Variants in EFNA4 observed in about 807,000 individuals in gnomAD.
The protein encoded by EFNA4 is ephrin-A4.
A neutral mutation model predicts 23.7 loss-of-function variants in EFNA4; 22 were observed. That is an observed-to-expected ratio of 0.93 (90% CI 0.66 to 1.32). The LOEUF (loss-of-function observed/expected upper bound fraction) is 1.32. EFNA4 is among the 40% of genes most tolerant of loss of function. The pLI is 0.00. For synonymous variants in EFNA4, 113 were observed against 108.3 expected (o/e 1.04, Z -0.27); for missense variants, 252 against 252.3 (o/e 1.00, Z 0.01).
In EFNA4 at chr1:155,069,007, T is replaced by G; in HGVS notation, c.*18T>G. 6.2e-7 allele frequency: 1 copy of G among 1,613,478 alleles called. No homozygotes were observed. Among genetic ancestry groups the G allele is most frequent in the Non-Finnish European group, 8.5e-7 (1 of 1,179,690 alleles). The stretch of plus-strand genomic sequence containing the variant: ...TTCTGTGAGCCAAGCAGACCTTCCC[T>G]CTCATCCCAAGGAGCCAGAGTCCTC... On this transcript the variant is annotated 3_prime_UTR_variant, in exon 4 of 4. Coordinates refer to ENST00000368409, the MANE Select transcript of EFNA4 (RefSeq NM_005227.3).
At chr1:155,068,296 G>A (rs558691139) in intron 3 of EFNA4, among the ~76,000 whole-genome samples, 4 of 148,526 alleles carry the variant, frequency 2.7e-5, no homozygotes, top group Admixed American at 2.7e-4. Context: ...TCTCGCTCTC[G>A]CTCTGTCGCC....
chr1:155,064,710 T>C (rs1477578117), intron 1 of EFNA4, among the ~76,000 whole-genome samples: 2 of 152,218 alleles, frequency 1.3e-5, no homozygotes, highest in African/African-American at 4.8e-5. Flanking sequence ...TCCTATTTCC[T>C]ATCTGTTTTT....
In EFNA4 at chr1:155,066,973, C is replaced by T; in HGVS notation, c.357C>T (p.Ser119=). 1 of 1,613,794 alleles carries T rather than the reference C, an allele frequency of 6.2e-7. No homozygotes were observed. Among genetic ancestry groups the T allele is most frequent in the Non-Finnish European group, 8.5e-7 (1 of 1,179,894 alleles). The change falls in exon 2 of 4, where the codon TCC becomes TCT. Residue 119 remains serine (S), a synonymous_variant. Coordinates refer to ENST00000368409, the MANE Select transcript of EFNA4 (RefSeq NM_005227.3). ...AGATTCAGCGCTTCACACCCTTCTC[C>T]CTCGGCTTTGAGTTCTTACCTGGAG... ...SEKIQRFTPF[S]LGFEFLPGET...
chr1:155,063,948 G>C lies in EFNA4; in HGVS notation c.113+12G>C. ...TCCAGTAACCCCAGGTAGCCGGGCC[G>C]AACCGGGCGAGCGCACAGCCAAGTC... On this transcript the variant is annotated intron_variant, in intron 1 of 3. Coordinates refer to ENST00000368409, the MANE Select transcript of EFNA4 (RefSeq NM_005227.3). The surrounding 1 kb of genome is among the most constrained non-coding windows in gnomAD (Gnocchi z 4.1). The C allele has an allele frequency of 6.5e-7, 1 of 1,535,954 alleles. No individual in the cohort carries two copies. Among genetic ancestry groups the C allele is most frequent in the East Asian group, 2.6e-5 (1 of 38,130 alleles).
intron 1 of EFNA4, among the ~76,000 whole-genome samples, chr1:155,066,188 G>A (rs943934205): frequency 5.3e-5 from 8 of 152,046 alleles, no homozygotes; most frequent in African/African-American, 1.4e-4. Context: ...TTTTTTTACC[G>A]TGACATTCTT....
At position 155,069,140 on chromosome 1, in the gene EFNA4, T is replaced by A; in HGVS notation, c.*151T>A. 1 of 1,610,614 alleles carries A rather than the reference T, an allele frequency of 6.2e-7. No individual in the cohort carries two copies. Among genetic ancestry groups the A allele is most frequent in the Non-Finnish European group, 8.5e-7 (1 of 1,178,890 alleles). Reference sequence around the variant, plus strand: ...GGGAGATCAGAGGGTCTGAGGTGACTCTTGCAGGAGCCTGTCCCCTCATCA... The same window carrying A: ...GGGAGATCAGAGGGTCTGAGGTGACACTTGCAGGAGCCTGTCCCCTCATCA... On this transcript the variant is annotated 3_prime_UTR_variant, in exon 4 of 4. Coordinates refer to ENST00000368409, the MANE Select transcript of EFNA4 (RefSeq NM_005227.3).
rs947930391 is a variant in EFNA4 at position 155,068,874 on chromosome 1, T to C, written c.491T>C (p.Val164Ala). The C allele has an allele frequency of 1.9e-6, 3 of 1,613,334 alleles. No individual in the cohort carries two copies. The highest frequency in any genetic ancestry group is 4.5e-5 in the East Asian group (2 of 44,862). ...KERKSESAHP[V>A]GSPGESGTSG... Reference sequence around the variant, plus strand: ...ACAGAGTCTGAGTCAGCCCATCCTGTTGGGAGCCCTGGAGAGAGTGGCACA... The same window carrying C: ...ACAGAGTCTGAGTCAGCCCATCCTGCTGGGAGCCCTGGAGAGAGTGGCACA... Residue 164 changes from valine to alanine, a missense_variant, in exon 4 of 4, where the codon GTT becomes GCT. By Grantham distance (64) the Val-to-Ala change is moderately conservative (BLOSUM62 0). Coordinates refer to ENST00000368409, the MANE Select transcript of EFNA4 (RefSeq NM_005227.3).
chr1:155,064,813 C>T (rs1202201435), intron 1 of EFNA4, among the ~76,000 whole-genome samples: 3 of 152,180 alleles, frequency 2.0e-5, no homozygotes, highest in Non-Finnish European at 2.9e-5. Flanking sequence ...GTGCCCGGCC[C>T]TGTGCTAGGT....
At chr1:155,064,134 G>T (rs1010122422) in intron 1 of EFNA4, among the ~76,000 whole-genome samples, 198 bp downstream of exon 1, 1 of 152,222 alleles carries the variant, frequency 6.6e-6, no homozygotes, top group Non-Finnish European at 1.5e-5. Context: ...GCATGTGTTG[G>T]GGGGCAGGCA....
chr1:155,066,292 G>A (rs1348925762), intron 1 of EFNA4, among the ~76,000 whole-genome samples: 1 of 152,178 alleles, frequency 6.6e-6, no homozygotes, highest in African/African-American at 2.4e-5. Context: ...CCACCTCTGT[G>A]TCTGCAGCTG....
intron 1 of EFNA4, among the ~76,000 whole-genome samples, chr1:155,066,517 G>A (rs756845087): frequency 2.6e-5 from 4 of 152,172 alleles, no homozygotes; most frequent in Non-Finnish European, 2.9e-5. Context: ...TTAGCCTCTC[G>A]GAACCTGTGA....
At chr1:155,066,610 T>C in intron 1 of EFNA4, 120 bp from the exon 2 acceptor site, 1 of 1,268,608 alleles carries the variant, frequency 7.9e-7, no homozygotes. Flanking sequence ...CCTGAGCTGC[T>C]CCATCGCACA....
chr1:155,064,808 C>T (rs1001418155), intron 1 of EFNA4, among the ~76,000 whole-genome samples: 18 of 152,144 alleles, frequency 1.2e-4, no homozygotes, highest in African/African-American at 3.9e-4. Context: ...TGTGTGTGCC[C>T]GGCCCTGTGC....
rs1663078450 is a variant in EFNA4 at position 155,067,417 on chromosome 1, T to A, written c.446T>A (p.Val149Glu). ...TCTGGCCAGTGCTTGAGGCTCCAGG[T>A]GTCTGTCTGCTGCAAGGAGAGGAGT... ...ESSGQCLRLQ[V>E]SVCCKERKSE... The change falls in exon 3 of 4, where the codon GTG becomes GAG. Residue 149 changes from valine (V) to glutamate (E), a missense_variant. By Grantham distance (121) the Val-to-Glu change is moderately radical. Transcript: ENST00000368409. The A allele has an allele frequency of 6.2e-7, 1 of 1,614,078 alleles. No individual in the cohort carries two copies. The highest frequency in any genetic ancestry group is 8.5e-7 in the Non-Finnish European group (1 of 1,180,006).
chr1:155,065,516 C>T (rs1282674049), intron 1 of EFNA4, among the ~76,000 whole-genome samples: 2 of 150,372 alleles, frequency 1.3e-5, no homozygotes, highest in East Asian at 1.9e-4. Flanking sequence ...CTAGCACCCA[C>T]TCCCTCATTC....
intron 1 of EFNA4, among the ~76,000 whole-genome samples, chr1:155,064,229 C>G (rs926975942): frequency 6.6e-6 from 1 of 152,242 alleles, no homozygotes; most frequent in African/African-American, 2.4e-5. Flanking sequence ...GCTCCGCCCC[C>G]CTCGCTGCTC....
intron 2 of EFNA4, 149 bp downstream of exon 2, chr1:155,067,165 T>G: frequency 2.6e-6 from 3 of 1,166,408 alleles, no homozygotes; most frequent in Non-Finnish European, 3.6e-6. Flanking sequence ...GGGAAATGTC[T>G]AGAAAGGAGA....
intron 3 of EFNA4, 96 bp from the exon 4 acceptor site, chr1:155,068,757 T>C (rs1053092033): frequency 7.5e-7 from 1 of 1,332,602 alleles, no homozygotes; most frequent in African/African-American, 1.5e-5. Context: ...TGGGAGACCC[T>C]GGAGGATGGG....
chr1:155,066,776 C>G lies in EFNA4; in HGVS notation c.160C>G (p.Leu54Val), dbSNP rs1341898292. The change falls in exon 2 of 4, where the codon CTA (leucine) becomes GTA (valine). Residue 54 changes from leucine (L) to valine (V), a missense_variant. Coordinates refer to ENST00000368409, the MANE Select transcript of EFNA4 (RefSeq NM_005227.3). Reference sequence around the variant, plus strand: ...GGTGGAGCTGGGCCTCAACGATTACCTAGACATTGTCTGCCCCCACTACGA... The same window carrying G: ...GGTGGAGCTGGGCCTCAACGATTACGTAGACATTGTCTGCCCCCACTACGA... ...AVVELGLNDY[L>V]DIVCPHYEGP... The G allele has an allele frequency of 6.2e-7, 1 of 1,609,730 alleles. No individual in the cohort carries two copies. The highest frequency in any genetic ancestry group is 8.5e-7 in the Non-Finnish European group (1 of 1,178,720).
Sources: allele counts gnomAD v4.1 joint callset (sites outside exome capture counted in the v4.1 genomes callset), GRCh38; gene constraint gnomAD v4.1.1; non-coding constraint Gnocchi (gnomAD v3.1); transcripts MANE v1.5; gene names NCBI Gene and HGNC (gene_info 2026-07-23, HGNC 2026-07-21).